The following RNPC3 variants were observed in gnomAD, a reference collection of about 807,000 sequenced individuals.
RNPC3 encodes RNA binding region (RNP1, RRM) containing 3, also known as RNA-binding region-containing protein 3.
In RNPC3, 48 loss-of-function variants were observed where a neutral mutation model predicts 67.5. That is an observed-to-expected ratio of 0.71 (90% confidence interval 0.56 to 0.90). RNPC3 has a LOEUF of 0.90. Ranked by LOEUF, RNPC3 falls within the 40% of genes least tolerant of loss-of-function variation. RNPC3 has a pLI of 0.00. For synonymous variants in RNPC3, 239 were observed against 210.3 expected (o/e 1.14, Z -1.18); for missense variants, 637 against 626.1 (o/e 1.02, Z -0.19).
Position 103,537,000 on chromosome 1 carries a change from C to A in RNPC3, c.625-342C>A, listed in dbSNP as rs531314990. On this transcript the variant is annotated intron_variant, in intron 6 of 14. Coordinates refer to ENST00000423855, the MANE Select transcript of RNPC3 (RefSeq NM_017619.4). ...GAATTGTTTCGACCATGTGCCTTCCCAGGTTGATGAAGACATTGCTACACA... is the reference window on the plus strand; with the variant it reads ...GAATTGTTTCGACCATGTGCCTTCCAAGGTTGATGAAGACATTGCTACACA... 2.2e-3 allele frequency among the ~76,000 whole-genome samples: 332 copies of A among 152,128 alleles called. 2 individuals are homozygous for A. The highest frequency in any genetic ancestry group is 7.7e-3 in the African/African-American group (321 of 41,530).
intron 3 of RNPC3, 145 bp from the exon 4 acceptor site, chr1:103,534,629 T>C (rs1182205809): frequency 2.7e-5 from 16 of 596,868 alleles, no homozygotes; most frequent in Non-Finnish European, 4.4e-5. Context: ...TATTGGTGTT[T>C]GCTTGAGAAA....
At position 103,543,361 on chromosome 1, in the gene RNPC3, G is replaced by A; in HGVS notation, c.959G>A (p.Arg320Lys). ...FDQPQPVGNK[R>K]IEFHISTDMP... ...CAACCACAACCTGTAGGTAACAAAA[G>A]AATTGAATTCCATATATCTACCGAC... The change falls in exon 9 of 15, where the codon AGA (arginine) becomes AAA (lysine). Residue 320 changes from arginine (R) to lysine (K), a missense_variant. Arg to Lys is a conservative substitution (Grantham distance 26, BLOSUM62 2). Coordinates refer to ENST00000423855, the MANE Select transcript of RNPC3 (RefSeq NM_017619.4). 2.0e-6 allele frequency: 3 copies of A among 1,517,340 alleles called. No homozygotes were observed. 94.0% of individuals were successfully genotyped at this position (1,517,340 alleles called of 1,614,324 possible).
At chr1:103,536,012 A>T in intron 5 of RNPC3, 114 bp from the exon 6 acceptor site, 1 of 693,034 alleles carries the variant, frequency 1.4e-6, no homozygotes, top group Admixed American at 2.6e-5. Flanking sequence ...AGAGATGGGC[A>T]GGTCTTCCTT....
intron 8 of RNPC3, among the ~76,000 whole-genome samples, chr1:103,543,005 C>T (rs1183323575): frequency 6.6e-6 from 1 of 151,592 alleles, no homozygotes; most frequent in Non-Finnish European, 1.5e-5. Flanking sequence ...TGTTTAGAAT[C>T]AAGAGTCATC....
chr1:103,536,415 G>C (rs1650988606), intron 6 of RNPC3, among the ~76,000 whole-genome samples: 2 of 152,152 alleles, frequency 1.3e-5, no homozygotes, highest in Admixed American at 1.3e-4. Flanking sequence ...ATTTCATCCA[G>C]TGTTGTTAAG....
At chr1:103,543,270 C>A in intron 8 of RNPC3, 26 bp from the exon 9 acceptor site, 1 of 1,364,732 alleles carries the variant, frequency 7.3e-7, no homozygotes, top group Non-Finnish European at 9.4e-7. Context: ...CAATTACAAA[C>A]TAATGCTATG....
At chr1:103,532,523 A>G (rs1428600320) in intron 2 of RNPC3, among the ~76,000 whole-genome samples, 2 of 152,136 alleles carry the variant, frequency 1.3e-5, no homozygotes, top group Admixed American at 6.5e-5. Flanking sequence ...TTAGTGAATC[A>G]TTAGCATACA....
In RNPC3 at chr1:103,543,327, G is replaced by T. The variant is rs1304230055; in HGVS notation, c.925G>T (p.Val309Leu). ...ACATCCAGTGCTGTTACCTTCAGAT[G>T]TATTTGACCAACCACAACCTGTAGG... ...SLHPVLLPSD[V>L]FDQPQPVGNK... is the part of the protein sequence containing the mutation. Residue 309 changes from valine (V) to leucine (L), a missense_variant, in exon 9 of 15, where the codon GTA becomes TTA. Val to Leu is a conservative substitution (Grantham distance 32, BLOSUM62 1). Coordinates refer to ENST00000423855, the MANE Select transcript of RNPC3 (RefSeq NM_017619.4). The T allele has an allele frequency of 6.7e-7, 1 of 1,502,370 alleles. No individual in the cohort carries two copies. Among genetic ancestry groups the T allele is most frequent in the African/African-American group, 1.4e-5 (1 of 70,844 alleles). The allele number at this position is 1,502,370 out of a possible 1,614,324, so 93.1% of individuals were successfully genotyped here. A position where few individuals can be genotyped will look rare whatever the true frequency, so the allele number is the denominator to read the frequency against.
chr1:103,533,887 G>A (rs1429108993), intron 3 of RNPC3, 30 bp downstream of exon 3: 1 of 1,121,896 alleles, frequency 8.9e-7, no homozygotes, highest in Non-Finnish European at 1.3e-6. Flanking sequence ...ATACATTTTT[G>A]TTACATTTTT....
Position 103,526,273 on chromosome 1 carries a change from G to A in RNPC3, c.192+11G>A, listed in dbSNP as rs1436087251. On this transcript the variant is annotated intron_variant, in intron 1 of 14. Transcript: ENST00000423855. ...GATAAGGGGCGACTGGTAAGGGCGC[G>A]CCCCTCCGGAGTCTCCCGGGAAGGC... is the stretch of plus-strand genomic sequence containing the variant. 6 of 1,525,342 alleles carry A rather than the reference G, an allele frequency of 3.9e-6. No homozygotes were observed. The highest frequency in any genetic ancestry group is 4.4e-6 in the Non-Finnish European group (5 of 1,131,168). The allele number at this position is 1,525,342 out of a possible 1,614,324, so 94.5% of individuals were successfully genotyped here.
At position 103,543,409 on chromosome 1, in the gene RNPC3, A is replaced by C; in HGVS notation, c.1007A>C (p.Asp336Ala). 6.6e-7 allele frequency: 1 copy of C among 1,517,732 alleles called. No homozygotes were observed. The highest frequency in any genetic ancestry group is 8.8e-7 in the Non-Finnish European group (1 of 1,138,996). The allele number at this position is 1,517,732 out of a possible 1,614,324, so 94.0% of individuals were successfully genotyped here. ...STDMPAAFKK[D>A]LEKEQNCEEK... The stretch of plus-strand genomic sequence containing the variant: ...GACATGCCAGCTGCATTTAAGAAAG[A>C]TTTAGAAAAGGAACAAAATTGTGAG... Residue 336 changes from aspartate (D) to alanine (A), a missense_variant, in exon 9 of 15, where the codon GAT (aspartate) becomes GCT (alanine). Physicochemically the swap from Asp to Ala is moderately radical, Grantham distance 126. Transcript: ENST00000423855.
intron 12 of RNPC3, among the ~76,000 whole-genome samples, chr1:103,550,039 C>CTG (rs1370679423): frequency 6.6e-6 from 1 of 151,868 alleles, no homozygotes; most frequent in African/African-American, 2.4e-5. Context: ...CGGTAGACGG[C>CTG]TGTAATCCCA....
At chr1:103,531,040 T>G (rs1036799508) in intron 2 of RNPC3, among the ~76,000 whole-genome samples, 7 of 152,214 alleles carry the variant, frequency 4.6e-5, no homozygotes, top group African/African-American at 1.7e-4. Flanking sequence ...TGTATCATTC[T>G]TATGCCTTTG....
intron 6 of RNPC3, 68 bp downstream of exon 6, chr1:103,536,262 A>C: frequency 8.9e-7 from 1 of 1,129,434 alleles, no homozygotes; most frequent in South Asian, 1.3e-5. Context: ...AGGCTGAATT[A>C]TACAGGTGTT....
rs1462065026 is a variant in RNPC3, at chr1:103,526,117, GCTC to G, written c.54_56del (p.Ser19del). On this transcript the variant is annotated inframe_deletion, in exon 1 of 15. Coordinates refer to ENST00000423855, the MANE Select transcript of RNPC3 (RefSeq NM_017619.4). ...CTTGCGATATCAAGGGGATGCACGA[GCTC>G]CTCCTCGCTTTCCCCGCCTCGGGGC... 3.9e-5 allele frequency: 61 copies of G among 1,550,916 alleles called. 2 individuals carry two copies. In the South Asian group the frequency reaches 4.0e-4, roughly 10 times the overall value.
At chr1:103,549,689 T>C (rs1228908776) in intron 12 of RNPC3, among the ~76,000 whole-genome samples, 1 of 152,218 alleles carries the variant, frequency 6.6e-6, no homozygotes, top group Admixed American at 6.5e-5. Flanking sequence ...ATACATGGAA[T>C]AGTAGATCAC....
At chr1:103,540,388 G>A (rs528260686) in intron 7 of RNPC3, among the ~76,000 whole-genome samples, 49 of 152,230 alleles carry the variant, frequency 3.2e-4, no homozygotes, top group Non-Finnish European at 4.4e-4. Context: ...TTTGGATAAG[G>A]GGTGCTCAAC....
chr1:103,534,731 C>A lies in RNPC3; in HGVS notation c.360-43C>A, dbSNP rs529694051. On this transcript the variant is annotated intron_variant, in intron 3 of 14. Coordinates refer to ENST00000423855, the MANE Select transcript of RNPC3 (RefSeq NM_017619.4). ...TATCTTTTCTGTGTGCAGTTTTTCA[C>A]CCTTTGGAAAGATAAGATTAACTTT... The A allele has an allele frequency of 2.7e-5, 31 of 1,137,802 alleles. No homozygotes were observed. The African/African-American group carries it at 4.0e-4, about 15-fold the overall frequency. 70.5% of individuals were successfully genotyped at this position (1,137,802 alleles called of 1,614,324 possible). A position where few individuals can be genotyped will look rare whatever the true frequency, so the allele number is the denominator to read the frequency against.
At chr1:103,544,840 G>T in intron 9 of RNPC3, 101 bp from the exon 10 acceptor site, 1 of 631,168 alleles carries the variant, frequency 1.6e-6, no homozygotes, top group Non-Finnish European at 2.5e-6. Context: ...GAATTTTAGT[G>T]CCAGAAGATA....
Sources: allele counts gnomAD v4.1 joint callset (sites outside exome capture counted in the v4.1 genomes callset), GRCh38; gene constraint gnomAD v4.1.1; transcripts MANE v1.5; gene names NCBI Gene and HGNC (gene_info 2026-07-23, HGNC 2026-07-21).